Variants in MARCHF3 observed in about 807,000 individuals in gnomAD.
The protein encoded by MARCHF3 is E3 ubiquitin-protein ligase MARCHF3.
In MARCHF3, 13 loss-of-function variants were observed where a neutral mutation model predicts 24.2. That is an observed-to-expected ratio of 0.54 (90% CI 0.35 to 0.85). The LOEUF is 0.85. Ranked by LOEUF, MARCHF3 falls within the 40% of genes least tolerant of loss-of-function variation. MARCHF3 has a pLI of 0.01. For missense variants in MARCHF3, 276 were observed against 325.0 expected, an observed-to-expected ratio of 0.85 and a Z score of 1.16; for synonymous variants, 144 against 137.3, an observed-to-expected ratio of 1.05 and a Z score of -0.34.
intron 1 of MARCHF3, among the ~76,000 whole-genome samples, chr5:126,992,481 CCTTT>C (rs1301432373): frequency 7.2e-5 from 11 of 152,178 alleles, no homozygotes; most frequent in Non-Finnish European, 1.0e-4. Flanking sequence ...TTTCTCATCT[CCTTT>C]CTATTTTGTT....
intron 1 of MARCHF3, among the ~76,000 whole-genome samples, chr5:126,922,607 C>T (rs1001385133): frequency 9.9e-5 from 15 of 151,700 alleles, no homozygotes; most frequent in African/African-American, 3.4e-4. Flanking sequence ...AGTGCAGTGG[C>T]GTGATCTCCG....
At chr5:127,012,326 A>G (rs1311001930) in intron 1 of MARCHF3, among the ~76,000 whole-genome samples, 1 of 152,228 alleles carries the variant, frequency 6.6e-6, no homozygotes, top group Non-Finnish European at 1.5e-5. Flanking sequence ...CCATTAAAAC[A>G]AAGCTTTCAC....
chr5:126,877,036 A>C (rs1169417354), intron 4 of MARCHF3, among the ~76,000 whole-genome samples: 1 of 152,156 alleles, frequency 6.6e-6, no homozygotes, highest in Non-Finnish European at 1.5e-5. Flanking sequence ...TAACCATAAG[A>C]CTCAGATAAG....
intron 1 of MARCHF3, among the ~76,000 whole-genome samples, chr5:126,974,043 G>C (rs1176158010): frequency 6.6e-6 from 1 of 151,532 alleles, no homozygotes; most frequent in Non-Finnish European, 1.5e-5. Context: ...GACTACAGGC[G>C]CCCGCCACCG....
chr5:126,868,781 A>G lies in MARCHF3; in HGVS notation c.*1852T>C, dbSNP rs1296992082. 1 of 152,162 alleles carries G rather than the reference A, an allele frequency of 6.6e-6. No homozygotes were observed. The highest frequency in any genetic ancestry group is 1.9e-4 in the East Asian group (1 of 5,190). The allele number at this position is 152,162 out of a possible 1,614,324, so 9.4% of individuals were successfully genotyped here. ...TAAGTATATTACAGGGCTGCAATTC[A>G]CCAGCTACCAAGTTGGACTCTTTGC... On this transcript the variant is annotated 3_prime_UTR_variant, in exon 5 of 5. Coordinates refer to ENST00000308660, the MANE Select transcript of MARCHF3 (RefSeq NM_178450.5).
chr5:127,009,313 T>C (rs948171178), intron 1 of MARCHF3, among the ~76,000 whole-genome samples: 7 of 152,196 alleles, frequency 4.6e-5, no homozygotes, highest in African/African-American at 1.7e-4. Context: ...TCAGTATTTA[T>C]TTCTTCAGAA....
chr5:126,898,623 T>C (rs1217894152), intron 3 of MARCHF3, among the ~76,000 whole-genome samples: 1 of 152,106 alleles, frequency 6.6e-6, no homozygotes, highest in African/African-American at 2.4e-5. Flanking sequence ...TTTTCTAGGA[T>C]GGTGCATATT....
chr5:126,954,464 G>A (rs1750367973), intron 1 of MARCHF3, among the ~76,000 whole-genome samples: 1 of 151,698 alleles, frequency 6.6e-6, no homozygotes, highest in African/African-American at 2.4e-5. Context: ...TCCAACTCCT[G>A]CATTCAAGCA....
intron 1 of MARCHF3, among the ~76,000 whole-genome samples, chr5:126,991,987 C>T (rs1275410441): frequency 6.6e-6 from 1 of 152,146 alleles, no homozygotes; most frequent in Non-Finnish European, 1.5e-5. Context: ...CTGAACAATT[C>T]ACTTGGACCA....
intron 1 of MARCHF3, among the ~76,000 whole-genome samples, chr5:126,945,514 T>C (rs1187001221): frequency 3.3e-5 from 5 of 151,996 alleles, no homozygotes; most frequent in Non-Finnish European, 5.9e-5. Flanking sequence ...GAGTTCCAAG[T>C]AGAGGGAAAA....
intron 3 of MARCHF3, among the ~76,000 whole-genome samples, chr5:126,899,810 G>C (rs973526690): frequency 6.6e-6 from 1 of 152,064 alleles, no homozygotes; most frequent in Non-Finnish European, 1.5e-5. Context: ...GGAAAGCACA[G>C]AGGGTTCTCA....
chr5:126,964,119 T>C (rs1027355827), intron 1 of MARCHF3, among the ~76,000 whole-genome samples: 1 of 152,234 alleles, frequency 6.6e-6, no homozygotes, highest in Non-Finnish European at 1.5e-5. Context: ...ACCCTAACAC[T>C]GCCAGACCAT....
intron 1 of MARCHF3, among the ~76,000 whole-genome samples, chr5:126,924,954 T>C (rs1749241687): frequency 6.6e-6 from 1 of 152,234 alleles, no homozygotes; most frequent in South Asian, 2.1e-4. Flanking sequence ...GAATTTGTCA[T>C]TCCAAATAAA....
At chr5:126,923,737 C>CACTT (rs1183520039) in intron 1 of MARCHF3, among the ~76,000 whole-genome samples, 4 of 152,186 alleles carry the variant, frequency 2.6e-5, no homozygotes, top group Admixed American at 2.0e-4. Flanking sequence ...ATGTACTGGA[C>CACTT]ACTTACTTAA....
chr5:126,973,338 C>A (rs1407197445), intron 1 of MARCHF3, among the ~76,000 whole-genome samples: 1 of 152,236 alleles, frequency 6.6e-6, no homozygotes, highest in Non-Finnish European at 1.5e-5. Context: ...CTAGGTTGCA[C>A]TAACCCAGTA....
At chr5:126,937,576 T>C (rs938850213) in intron 1 of MARCHF3, among the ~76,000 whole-genome samples, 1 of 152,180 alleles carries the variant, frequency 6.6e-6, no homozygotes, top group Admixed American at 6.5e-5. Context: ...ACCTGTTTTA[T>C]AAATGAGGAA....
At chr5:126,990,069 A>G (rs1580712291) in intron 1 of MARCHF3, among the ~76,000 whole-genome samples, 2 of 3,848 alleles carry the variant, frequency 5.2e-4, no homozygotes, top group East Asian at 0.045. Context: ...TGGAACCAAA[A>G]AAGAGCCCCC....
chr5:127,024,685 T>C (rs759016483), intron 1 of MARCHF3, among the ~76,000 whole-genome samples: 6 of 152,194 alleles, frequency 3.9e-5, no homozygotes, highest in Admixed American at 2.0e-4. Flanking sequence ...GTTTTCATTA[T>C]TGTCAATTAA....
rs1479606673 is a variant in MARCHF3, at chr5:126,868,902, G to A, written c.*1731C>T. On this transcript the variant is annotated 3_prime_UTR_variant, in exon 5 of 5. Coordinates refer to ENST00000308660, the MANE Select transcript of MARCHF3 (RefSeq NM_178450.5). ...AACGGTTGATGGTGGTGCAGCTAAT[G>A]ACAGCCCAGGGGGGTGAGCAGGGCG... 5 of 152,266 alleles carry A rather than the reference G, an allele frequency of 3.3e-5. No homozygotes were observed. The highest frequency in any genetic ancestry group is 1.2e-4 in the African/African-American group (5 of 41,454). The allele number at this position is 152,266 out of a possible 1,614,324, so 9.4% of individuals were successfully genotyped here.
Sources: allele counts gnomAD v4.1 joint callset (sites outside exome capture counted in the v4.1 genomes callset), GRCh38; gene constraint gnomAD v4.1.1; transcripts MANE v1.5; gene names NCBI Gene and HGNC (gene_info 2026-07-23, HGNC 2026-07-21).